The following FGFR3 variants were observed in gnomAD, a reference collection of about 807,000 sequenced individuals.
The protein encoded by FGFR3 is fibroblast growth factor receptor 3.
In FGFR3, 25 loss-of-function variants were observed where a neutral mutation model predicts 82.9. The ratio of observed to expected loss-of-function variants is 0.30; its 90% CI spans 0.22 to 0.42. The LOEUF (loss-of-function observed/expected upper bound fraction) is 0.42. FGFR3 is among the 10% of genes least tolerant of loss of function. The pLI, the probability that FGFR3 is intolerant of heterozygous loss-of-function variation, is 1.00. For synonymous variants in FGFR3, 620 were observed against 516.0 expected (o/e 1.20, Z -2.73); for missense variants, 1,026 against 1,161.0 (o/e 0.88, Z 1.69).
intron 7 of FGFR3, chr4:1,803,140 G>T: frequency 7.1e-7 from 1 of 1,406,978 alleles, no homozygotes; most frequent in Admixed American, 3.3e-5. Flanking sequence ...TGCACGCCCC[G>T]CACGCCCAGC....
At chr4:1,801,595 C>G (rs1202214611) in intron 5 of FGFR3, 25 bp from the exon 6 acceptor site, 2 of 1,596,956 alleles carry the variant, frequency 1.3e-6, no homozygotes, top group Non-Finnish European at 8.5e-7. Flanking sequence ...CCTCCGCTCA[C>G]TCACCCGCCC....
intron 7 of FGFR3, among the ~76,000 whole-genome samples, chr4:1,803,440 C>T (rs185969987): frequency 4.5e-4 from 68 of 152,374 alleles, no homozygotes; most frequent in African/African-American, 1.5e-3. Flanking sequence ...TGCGCTAACC[C>T]GCATGCTGCC....
intron 7 of FGFR3, chr4:1,803,178 T>G (rs17881795): frequency 1.6e-6 from 2 of 1,245,292 alleles, no homozygotes; most frequent in East Asian, 3.3e-5. Context: ...CGGCTCGCGC[T>G]CCACTCGGGG....
At position 1,799,492 on chromosome 4, in the gene FGFR3, C is replaced by A. The variant is rs2305179; in HGVS notation, c.348C>A (p.Arg116=). The A allele has an allele frequency of 1.3e-6, 2 of 1,567,768 alleles. No individual in the cohort carries two copies. The highest frequency in any genetic ancestry group is 1.7e-6 in the Non-Finnish European group (2 of 1,157,182). The change falls in exon 3 of 18, where the codon CGC becomes CGA. Residue 116 remains arginine (R), a synonymous_variant. Transcript: ENST00000440486. ...GCTGCCGGCAGCGGCTCACGCAGCG[C>A]GTACTGTGCCACTTCAGTGTGCGGG... ...AYSCRQRLTQ[R]VLCHFSVRVT...
At chr4:1,806,391 C>A (rs2108810015) in intron 15 of FGFR3, 64 bp downstream of exon 15, 1 of 1,605,272 alleles carries the variant, frequency 6.2e-7, no homozygotes, top group Non-Finnish European at 8.5e-7. Context: ...GCCAGGACCC[C>A]AGCTGCAGTC....
intron 2 of FGFR3, among the ~76,000 whole-genome samples, chr4:1,798,730 C>G (rs1214048050): frequency 6.6e-6 from 1 of 152,146 alleles, no homozygotes; most frequent in Non-Finnish European, 1.5e-5. Context: ...ACGGACCCCT[C>G]CTGGGGTGAA....
rs1377421001 is a variant in FGFR3, at chr4:1,807,645, A to C, written c.*383A>C. 3.1e-6 allele frequency: 2 copies of C among 637,412 alleles called. No homozygotes were observed. Among genetic ancestry groups the C allele is most frequent in the Non-Finnish European group, 6.0e-6 (2 of 335,368 alleles). The allele number at this position is 637,412 out of a possible 1,614,324, so 39.5% of individuals were successfully genotyped here. A position where few individuals can be genotyped will look rare whatever the true frequency, so the allele number is the denominator to read the frequency against. On this transcript the variant is annotated 3_prime_UTR_variant, in exon 18 of 18. Coordinates refer to ENST00000440486, the MANE Select transcript of FGFR3 (RefSeq NM_000142.5). ...CCGGCCTCTGCCTTTGCACCACGGG[A>C]CATCACAGGGTGGGCCTCGGCCCCT...
Position 1,807,606 on chromosome 4 carries a change from G to T in FGFR3, c.*344G>T, listed in dbSNP as rs1349543954. ...GGGACCCCCGTGGGGCAGGGAGCTG[G>T]GCCCGACATGGCTCCGGCCTCTGCC... On this transcript the variant is annotated 3_prime_UTR_variant, in exon 18 of 18. Coordinates refer to ENST00000440486, the MANE Select transcript of FGFR3 (RefSeq NM_000142.5). 1.5e-6 allele frequency: 1 copy of T among 668,316 alleles called. No homozygotes were observed. Among genetic ancestry groups the T allele is most frequent in the Non-Finnish European group, 2.8e-6 (1 of 355,002 alleles). The allele number at this position is 668,316 out of a possible 1,614,324, so 41.4% of individuals were successfully genotyped here. A position where few individuals can be genotyped will look rare whatever the true frequency, so the allele number is the denominator to read the frequency against.
At position 1,805,335 on chromosome 4, in the gene FGFR3, C is replaced by T. The variant is rs367942098; in HGVS notation, c.1413-20C>T. The T allele has an allele frequency of 1.6e-4, 264 of 1,609,886 alleles. No homozygotes were observed. Among genetic ancestry groups the T allele is most frequent in the Admixed American group, 1.2e-3 (69 of 59,992 alleles). Reference sequence around the variant, plus strand: ...GTGGGCGAGTTTGCACACTCATGGTCCCTCTGCCTCCACTGCCAGGCTGAC... The same window carrying T: ...GTGGGCGAGTTTGCACACTCATGGTTCCTCTGCCTCCACTGCCAGGCTGAC... On this transcript the variant is annotated intron_variant, in intron 10 of 17. Transcript: ENST00000440486.
chr4:1,806,408 C>T lies in FGFR3; in HGVS notation c.2030+81C>T, dbSNP rs985080078. 5.0e-6 allele frequency: 8 copies of T among 1,596,432 alleles called. No homozygotes were observed. The African/African-American group carries it at 8.0e-5, about 16-fold the overall frequency. ...CAGGACCCCAGCTGCAGTCCCCAGG[C>T]CTGTGCCCTGGAGCTCCTGGGTGTG... On this transcript the variant is annotated intron_variant, in intron 15 of 17. Coordinates refer to ENST00000440486, the MANE Select transcript of FGFR3 (RefSeq NM_000142.5).
rs1722268905 is a variant in FGFR3, at chr4:1,808,732, C to T, written c.*1470C>T. 1 of 232,240 alleles carries T rather than the reference C, an allele frequency of 4.3e-6. No homozygotes were observed. The highest frequency in any genetic ancestry group is 8.5e-6 in the Non-Finnish European group (1 of 117,262). The allele number at this position is 232,240 out of a possible 1,614,324, so 14.4% of individuals were successfully genotyped here. A position where few individuals can be genotyped will look rare whatever the true frequency, so the allele number is the denominator to read the frequency against. On this transcript the variant is annotated 3_prime_UTR_variant, in exon 18 of 18. Transcript: ENST00000440486. ...GTCTGGGCAGCTGTCCCTTGCTTGC[C>T]TGCAGGGCCATGGCTCAGGGTGGTC...
At chr4:1,797,800 AGT>A (rs1720694170) in intron 2 of FGFR3, among the ~76,000 whole-genome samples, 1 of 151,942 alleles carries the variant, frequency 6.6e-6, no homozygotes, top group Non-Finnish European at 1.5e-5. Flanking sequence ...TCAGGGGATG[AGT>A]GTGGGCCCTT....
At chr4:1,804,030 C>T (rs1410398733) in intron 8 of FGFR3, among the ~76,000 whole-genome samples, 194 bp downstream of exon 8, 3 of 152,242 alleles carry the variant, frequency 2.0e-5, no homozygotes, top group Non-Finnish European at 4.4e-5. Context: ...GGGGCCCCCT[C>T]AGCCCCCTCG....
At chr4:1,800,948 C>T (rs939231321) in intron 4 of FGFR3, among the ~76,000 whole-genome samples, 2 of 152,198 alleles carry the variant, frequency 1.3e-5, no homozygotes, top group African/African-American at 4.8e-5. Context: ...CAGCTGCCTC[C>T]AAGGCTCCTG....
At chr4:1,798,187 G>A (rs1432888814) in intron 2 of FGFR3, among the ~76,000 whole-genome samples, 1 of 152,054 alleles carries the variant, frequency 6.6e-6, no homozygotes, top group Non-Finnish European at 1.5e-5. Flanking sequence ...AGGGACCCAG[G>A]GGCCACCTGC....
At position 1,805,450 on chromosome 4, in the gene FGFR3, T is replaced by C. The variant is rs752724806; in HGVS notation, c.1508T>C (p.Val503Ala). The C allele has an allele frequency of 1.2e-6, 2 of 1,611,970 alleles. No homozygotes were observed. The highest frequency in any genetic ancestry group is 2.2e-5 in the South Asian group (2 of 91,034). The change falls in exon 11 of 18, where the codon GTC becomes GCC. Residue 503 changes from valine to alanine, a missense_variant. Val to Ala is a moderately conservative substitution (Grantham distance 64). Transcript: ENST00000440486. The part of the protein sequence containing the change: ...GIDKDRAAKP[V>A]TVAVKMLKDD... ...GACAAGGACCGGGCCGCCAAGCCTGTCACCGTAGCCGTGAAGATGCTGAAA... is the reference window on the plus strand; with the variant it reads ...GACAAGGACCGGGCCGCCAAGCCTGCCACCGTAGCCGTGAAGATGCTGAAA...
At position 1,805,602 on chromosome 4, in the gene FGFR3, G is replaced by C. The variant is rs751213196; in HGVS notation, c.1578G>C (p.Met526Ile). The change falls in exon 12 of 18, where the codon ATG becomes ATC. Residue 526 changes from methionine to isoleucine, a missense_variant. Transcript: ENST00000440486. ...DKDLSDLVSE[M>I]EMMKMIGKHK... is the part of the protein sequence containing the mutation. Reference sequence around the variant, plus strand: ...ACCTGTCGGACCTGGTGTCTGAGATGGAGATGATGAAGATGATCGGGAAAC... The same window carrying C: ...ACCTGTCGGACCTGGTGTCTGAGATCGAGATGATGAAGATGATCGGGAAAC... 1.2e-6 allele frequency: 2 copies of C among 1,613,218 alleles called. No homozygotes were observed. The highest frequency in any genetic ancestry group is 2.7e-5 in the African/African-American group (2 of 74,910).
chr4:1,802,426 C>T (rs930532717), intron 7 of FGFR3, among the ~76,000 whole-genome samples: 3 of 152,190 alleles, frequency 2.0e-5, no homozygotes, highest in African/African-American at 2.4e-5. Flanking sequence ...CAGCTGTGTG[C>T]AGTGGGGCCC....
rs1428244059 is a variant in FGFR3, at chr4:1,807,775, A to G, written c.*513A>G. The stretch of plus-strand genomic sequence containing the variant: ...CCACCTCCAGGCTTTCCCACTTCCC[A>G]CCCTGCCCCTCAGAGACTGAAATTA... On this transcript the variant is annotated 3_prime_UTR_variant, in exon 18 of 18. Transcript: ENST00000440486. 3 of 544,660 alleles carry G rather than the reference A, an allele frequency of 5.5e-6. No homozygotes were observed. The African/African-American group carries it at 5.5e-5, about 10-fold the overall frequency. The allele number at this position is 544,660 out of a possible 1,614,324, so 33.7% of individuals were successfully genotyped here. A position where few individuals can be genotyped will look rare whatever the true frequency, so the allele number is the denominator to read the frequency against.
Sources: allele counts gnomAD v4.1 joint callset (sites outside exome capture counted in the v4.1 genomes callset), GRCh38; gene constraint gnomAD v4.1.1; transcripts MANE v1.5; gene names NCBI Gene and HGNC (gene_info 2026-07-23, HGNC 2026-07-21).